MAST4: variants seen among roughly 807,000 people sequenced by gnomAD.
MAST4 encodes the protein microtubule associated serine/threonine kinase family member 4.
A neutral mutation model predicts 162.7 loss-of-function variants in MAST4; 89 were observed. The observed-to-expected ratio is 0.55, with a 90% confidence interval of 0.46 to 0.65. The LOEUF (loss-of-function observed/expected upper bound fraction) is 0.65, where lower values mean the gene tolerates loss of function less well. MAST4 is among the 30% of genes least tolerant of loss of function. MAST4 has a pLI of 0.00. For synonymous variants in MAST4, 1,479 were observed against 1,361.1 expected (o/e 1.09, Z -1.91); for missense variants, 3,153 against 3,374.0 (o/e 0.93, Z 1.62).
At position 67,130,249 on chromosome 5, in the gene MAST4, G is replaced by A. The variant is rs372070863; in HGVS notation, c.1785G>A (p.Arg595=). 1.7e-5 allele frequency: 28 copies of A among 1,613,534 alleles called. No homozygotes were observed. In the South Asian group the frequency reaches 2.9e-4, roughly 16 times the overall value. The change falls in exon 15 of 29, where the codon AGG becomes AGA. Residue 595 remains arginine (R), a synonymous_variant. Coordinates refer to ENST00000403625, the MANE Select transcript of MAST4 (RefSeq NM_001164664.2). ...TTCGGCATAAAGAATCCCGGCAGAG[G>A]TTTGCCATGAAGAAGATTAATAAAC... The part of the protein sequence containing the change: ...YFVRHKESRQ[R]FAMKKINKQN...
intron 1 of MAST4, among the ~76,000 whole-genome samples, chr5:66,665,728 G>A (rs1747211764): frequency 6.6e-6 from 1 of 152,092 alleles, no homozygotes; most frequent in Non-Finnish European, 1.5e-5. Context: ...TCACTTATTG[G>A]GTGTGGAATT....
intron 1 of MAST4, among the ~76,000 whole-genome samples, chr5:66,655,838 T>C (rs1453261756): frequency 6.6e-6 from 1 of 152,216 alleles, no homozygotes; most frequent in African/African-American, 2.4e-5. Flanking sequence ...TGGTAGCTAG[T>C]ATCTGTTGTG....
intron 4 of MAST4, among the ~76,000 whole-genome samples, chr5:67,007,018 G>A (rs1217813808): frequency 2.6e-5 from 4 of 152,158 alleles, no homozygotes; most frequent in Non-Finnish European, 4.4e-5. Flanking sequence ...ACATCCCAAA[G>A]ATCATCTCTA....
chr5:66,997,194 C>T (rs113664485), intron 4 of MAST4, among the ~76,000 whole-genome samples: 2,653 of 151,882 alleles, frequency 0.017, 86 homozygotes, highest in African/African-American at 0.061. Flanking sequence ...TGGACACATA[C>T]ATTTATATAT....
At chr5:66,875,866 A>G (rs1404619918) in intron 3 of MAST4, among the ~76,000 whole-genome samples, 1 of 152,164 alleles carries the variant, frequency 6.6e-6, no homozygotes, top group Non-Finnish European at 1.5e-5. Flanking sequence ...GGTTCAGGTG[A>G]TCCTCATGCC....
chr5:66,648,227 G>A (rs948848285), intron 1 of MAST4, among the ~76,000 whole-genome samples: 2 of 152,062 alleles, frequency 1.3e-5, no homozygotes, highest in Non-Finnish European at 2.9e-5. Context: ...TTTTAGGGAA[G>A]CTTTACTCAG....
chr5:67,019,745 T>C (rs908550939), intron 4 of MAST4, among the ~76,000 whole-genome samples: 1 of 152,212 alleles, frequency 6.6e-6, no homozygotes, highest in African/African-American at 2.4e-5. Flanking sequence ...AACCCTGTCA[T>C]GGACTAAAAT....
rs148834234 is a variant in MAST4 at position 66,936,511 on chromosome 5, G to A, written c.674+36529G>A. 4.7e-3 allele frequency among the ~76,000 whole-genome samples: 712 copies of A among 152,286 alleles called. 5 individuals carry two copies. Among genetic ancestry groups the A allele is most frequent in the African/African-American group, 0.016 (682 of 41,552 alleles). ...ATTTTATAAGATTTGGGTAGGTAAA[G>A]GAAAATTACAGTCAAAGGGGGTTGT... On this transcript the variant is annotated intron_variant, in intron 4 of 28. Transcript: ENST00000403625.
rs772434039 is a variant in MAST4, at chr5:67,054,414, A to G, written c.685A>G (p.Ser229Gly). 1 of 1,606,272 alleles carries G rather than the reference A, an allele frequency of 6.2e-7. No homozygotes were observed. Among genetic ancestry groups the G allele is most frequent in the South Asian group, 1.1e-5 (1 of 89,258 alleles). The change falls in exon 5 of 29, where the codon AGC (serine) becomes GGC (glycine). Residue 229 changes from serine (S) to glycine (G), a missense_variant. Physicochemically the swap from Ser to Gly is moderately conservative, Grantham distance 56. Around this residue, in one of 7 missense-constraint regions of MAST4, gnomAD observed 327 missense variants for 336.5 expected, o/e 0.97. Transcript: ENST00000403625. ...LPRRGSFCRT[S>G]NRKSLIGNGQ... Reference sequence around the variant, plus strand: ...CTTTCTTTTTGATAGTTGCCGAACAAGCAACCGGAAAAGCTTAATAGGCAA... The same window carrying G: ...CTTTCTTTTTGATAGTTGCCGAACAGGCAACCGGAAAAGCTTAATAGGCAA...
intron 5 of MAST4, among the ~76,000 whole-genome samples, chr5:67,089,916 T>C (rs374653913): frequency 6.6e-6 from 1 of 152,134 alleles, no homozygotes; most frequent in Non-Finnish European, 1.5e-5. Flanking sequence ...GTTGGTGATA[T>C]AGCTGAAAGT....
chr5:66,963,254 C>A (rs1415660253), intron 4 of MAST4, among the ~76,000 whole-genome samples: 1 of 152,202 alleles, frequency 6.6e-6, no homozygotes, highest in African/African-American at 2.4e-5. Context: ...ATAAGGAAGA[C>A]TTGTTTTTCC....
At chr5:66,994,091 A>G (rs1332188025) in intron 4 of MAST4, among the ~76,000 whole-genome samples, 1 of 152,130 alleles carries the variant, frequency 6.6e-6, no homozygotes, top group Non-Finnish European at 1.5e-5. Flanking sequence ...TGAGCTGAGC[A>G]GTTTTGGAAG....
chr5:67,115,742 T>A (rs1478946265), intron 12 of MAST4, among the ~76,000 whole-genome samples: 1 of 152,224 alleles, frequency 6.6e-6, no homozygotes, highest in Non-Finnish European at 1.5e-5. Context: ...TACAAAATGA[T>A]GCCTTAGCTT....
intron 23 of MAST4, among the ~76,000 whole-genome samples, chr5:67,147,183 C>G (rs569670586): frequency 1.3e-5 from 2 of 152,108 alleles, no homozygotes; most frequent in Admixed American, 6.5e-5. Context: ...CTCTCTCCCC[C>G]ATACGCACAC....
intron 2 of MAST4, among the ~76,000 whole-genome samples, chr5:66,763,549 A>G (rs894402911): frequency 7.9e-5 from 12 of 152,186 alleles, no homozygotes; most frequent in African/African-American, 2.9e-4. Context: ...CTGCTTAAAC[A>G]TATTATGGTA....
intron 19 of MAST4, among the ~76,000 whole-genome samples, chr5:67,139,125 A>G (rs896602862): frequency 2.6e-5 from 4 of 152,232 alleles, no homozygotes; most frequent in African/African-American, 7.2e-5. Context: ...AGAATTGTCA[A>G]GTGCTTGCCA....
chr5:66,756,248 T>G (rs540686647), intron 1 of MAST4, among the ~76,000 whole-genome samples: 12 of 152,336 alleles, frequency 7.9e-5, no homozygotes, highest in African/African-American at 2.4e-4. Flanking sequence ...GTAGGAAATT[T>G]TAAGCAAATC....
intron 3 of MAST4, among the ~76,000 whole-genome samples, chr5:66,801,612 G>A (rs908501736): frequency 1.3e-5 from 2 of 152,172 alleles, no homozygotes; most frequent in African/African-American, 4.8e-5. Flanking sequence ...CTGGAATAGA[G>A]CTTTACTGGT....
intron 5 of MAST4, among the ~76,000 whole-genome samples, chr5:67,067,703 G>A (rs113461717): frequency 2.0e-5 from 3 of 152,008 alleles, no homozygotes; most frequent in Admixed American, 6.6e-5. Context: ...CTCTGGTTTC[G>A]AGCTGATTTG....
Sources: gnomAD v4.1 joint callset for allele counts (sites outside exome capture counted in the v4.1 genomes callset) on GRCh38, gnomAD v4.1.1 for gene constraint, gnomAD v4.1.1 regional missense constraint, MANE v1.5 for transcripts, NCBI Gene and HGNC (gene_info 2026-07-23, HGNC 2026-07-21) for gene names.